The following CRIPTO3 variants were observed in gnomAD, a reference collection of about 807,000 sequenced individuals.
CRIPTO3 encodes the protein cripto, EGF-CFC family member 3.
chrX:110,521,115 T>A, the CRIPTO3 span: 4 of 1,141,835 alleles, frequency 3.5e-6, no homozygotes, highest in African/African-American at 7.1e-5. Context: ...CTTTTCCCCC[T>A]AATTGTTAAA....
the CRIPTO3 span, chrX:110,521,887 C>T: frequency 1.8e-3 from 829 of 451,948 alleles, 8 homozygotes; most frequent in African/African-American, 0.019. Context: ...CTTTGCCCTG[C>T]CCTCTCCCAA....
At chrX:110,522,122 A>AT in the CRIPTO3 span, 9 of 304,929 alleles carry the variant, frequency 3.0e-5, no homozygotes, top group East Asian at 5.4e-5. Context: ...TGCCCGGCTA[A>AT]TTTTTTTTGT....
the CRIPTO3 span, chrX:110,521,366 C>G: frequency 2.3e-4 from 277 of 1,210,041 alleles, no homozygotes; most frequent in African/African-American, 4.3e-3. Context: ...AGGAGCTAAA[C>G]AGAACCTGCT....
At chrX:110,521,435 C>A in the CRIPTO3 span, 1 of 1,211,626 alleles carries the variant, frequency 8.3e-7, no homozygotes, top group Non-Finnish European at 1.1e-6. Flanking sequence ...CCTCCTTCTA[C>A]GGACGGAACT....
At chrX:110,520,900 G>A in the CRIPTO3 span, 15 of 406,047 alleles carry the variant, frequency 3.7e-5, no homozygotes, top group South Asian at 3.4e-4. Flanking sequence ...CCCCGGAAAG[G>A]CTGAGTCTCC....
the CRIPTO3 span, chrX:110,522,343 G>C: frequency 8.7e-6 from 1 of 114,369 alleles, no homozygotes; most frequent in Non-Finnish European, 1.8e-5. Context: ...GATTATTAAA[G>C]ACTAATTCTA....
the CRIPTO3 span, chrX:110,521,647 C>T: frequency 8.3e-7 from 1 of 1,211,460 alleles, no homozygotes; most frequent in Non-Finnish European, 1.1e-6. Context: ...GCACGTACTA[C>T]CACTTTTATG....
the CRIPTO3 span, chrX:110,522,122 AT>A: frequency 1.4e-4 from 42 of 306,542 alleles, no homozygotes; most frequent in Admixed American, 1.7e-4. Context: ...TGCCCGGCTA[AT>A]TTTTTTTGTA....
the CRIPTO3 span, chrX:110,521,071 G>A: frequency 1.0e-6 from 1 of 982,150 alleles, no homozygotes; most frequent in Non-Finnish European, 1.5e-6. Context: ...GGCTGTTTTG[G>A]CAATGACTCT....
the CRIPTO3 span, chrX:110,521,117 A>T: frequency 8.8e-7 from 1 of 1,142,630 alleles, no homozygotes. Context: ...TTTCCCCCTA[A>T]TTGTTAAAAG....
the CRIPTO3 span, chrX:110,521,471 C>A: frequency 8.3e-7 from 1 of 1,209,422 alleles, no homozygotes; most frequent in Admixed American, 2.2e-5. Flanking sequence ...GCAAAGAGAA[C>A]TGTGGGTCTG....
At chrX:110,521,980 G>A in the CRIPTO3 span, 1 of 433,338 alleles carries the variant, frequency 2.3e-6, no homozygotes, top group Non-Finnish European at 4.0e-6. Context: ...TTTTGAGACG[G>A]AGTCTCACTC....
chrX:110,521,570 C>T, the CRIPTO3 span: 26 of 1,210,522 alleles, frequency 2.1e-5, no homozygotes, highest in Non-Finnish European at 2.8e-5. Flanking sequence ...CATTTCTACC[C>T]GGCTGTGATG....
chrX:110,520,948 A>G, the CRIPTO3 span: 3 of 482,823 alleles, frequency 6.2e-6, no homozygotes, highest in East Asian at 1.1e-4. Flanking sequence ...AAAGCCCTCC[A>G]GTTTCCCCTG....
At chrX:110,521,802 A>T in the CRIPTO3 span, 3 of 688,286 alleles carry the variant, frequency 4.4e-6, no homozygotes, top group South Asian at 6.8e-5. Context: ...ATCATTTGTT[A>T]GTTGCCTTAA....
the CRIPTO3 span, chrX:110,522,161 T>C: frequency 8.0e-6 from 2 of 249,491 alleles, no homozygotes; most frequent in African/African-American, 5.7e-5. Context: ...GGTTTCACCA[T>C]ATTGGCCAGC....
At chrX:110,521,785 A>G in the CRIPTO3 span, 4 of 757,121 alleles carry the variant, frequency 5.3e-6, no homozygotes, top group African/African-American at 8.2e-5. Context: ...GTCCTAACTG[A>G]AAGATGATCA....
the CRIPTO3 span, chrX:110,522,167 C>T: frequency 8.3e-6 from 2 of 240,527 alleles, no homozygotes; most frequent in Non-Finnish European, 1.5e-5. Flanking sequence ...ACCATATTGG[C>T]CAGCCTGGTC....
the CRIPTO3 span, chrX:110,521,689 A>G: frequency 4.2e-6 from 5 of 1,188,549 alleles, no homozygotes; most frequent in Non-Finnish European, 5.7e-6. Flanking sequence ...ATACAAAGCT[A>G]CTATTAATCG....
Sources: allele counts gnomAD v4.1 joint callset, GRCh38; gene constraint gnomAD v4.1.1; transcripts MANE v1.5; gene names NCBI Gene and HGNC (gene_info 2026-07-23, HGNC 2026-07-21).